MAGI2: variants seen among roughly 807,000 people sequenced by gnomAD.
MAGI2 encodes membrane-associated guanylate kinase, WW and PDZ domain-containing protein 2.
Under a neutral mutation model 133.3 loss-of-function variants are expected in MAGI2, and 35 were observed. The ratio of observed to expected loss-of-function variants is 0.26; its 90% CI spans 0.20 to 0.35. MAGI2 has a LOEUF of 0.35. Among genes scored for constraint, MAGI2 ranks in the 10% least tolerant of loss-of-function variants. The probability of loss-of-function intolerance (pLI) is 1.00; values close to 1 mark genes in which losing one functional copy is unlikely to be tolerated. For synonymous variants in MAGI2, 729 were observed against 710.6 expected, an observed-to-expected ratio of 1.03 and a Z score of -0.41; for missense variants, 1,636 against 1,863.4, an observed-to-expected ratio of 0.88 and a Z score of 2.25.
intron 20 of MAGI2, among the ~76,000 whole-genome samples, chr7:78,113,220 A>C (rs62461188): frequency 0.24 from 36,290 of 152,000 alleles, 5,261 homozygotes; most frequent in Non-Finnish European, 0.34. Context: ...CTGATCTTTA[A>C]TCTGAAAGAC....
At chr7:78,714,611 T>C (rs1819526081) in intron 2 of MAGI2, among the ~76,000 whole-genome samples, 1 of 152,224 alleles carries the variant, frequency 6.6e-6, no homozygotes, top group Non-Finnish European at 1.5e-5. Flanking sequence ...ATTTCCTGTG[T>C]ACCAGGGAGC....
Position 78,626,857 on chromosome 7 carries a change from T to G in MAGI2, c.538+263A>C, listed in dbSNP as rs533429815. 5.5e-5 allele frequency among the ~76,000 whole-genome samples: 7 copies of G among 128,378 alleles called. No homozygotes were observed. In the South Asian group the frequency reaches 1.8e-3, roughly 33 times the overall value. 84.2% of individuals were successfully genotyped at this position (128,378 alleles called of 152,430 possible). The stretch of plus-strand genomic sequence containing the variant: ...GTGTGTGTGTGTGTGTGTGTGTGTG[T>G]GTGTATAAAATAGGTATATATATAA... On this transcript the variant is annotated intron_variant, in intron 3 of 21. Transcript: ENST00000354212.
chr7:78,589,746 G>A (rs941138629), intron 3 of MAGI2, among the ~76,000 whole-genome samples: 1 of 152,142 alleles, frequency 6.6e-6, no homozygotes, highest in African/African-American at 2.4e-5. Flanking sequence ...CAAATTTGCT[G>A]GGGTTTTATT....
intron 1 of MAGI2, among the ~76,000 whole-genome samples, chr7:79,238,642 T>G (rs1460476502): frequency 1.3e-5 from 2 of 152,172 alleles, no homozygotes; most frequent in Non-Finnish European, 2.9e-5. Context: ...ATGAAGTATC[T>G]CTCATCATTA....
In MAGI2 at chr7:78,810,097, G is replaced by A. The variant is rs1370855195; in HGVS notation, c.419-182858C>T. 2.6e-5 allele frequency among the ~76,000 whole-genome samples: 4 copies of A among 152,132 alleles called. No homozygotes were observed. The East Asian group carries it at 5.8e-4, about 22-fold the overall frequency. ...GTAAGAAACATCTTTAGGTCACATG[G>A]AAGGTAACTGTGTTTTTCTTTTTTA... On this transcript the variant is annotated intron_variant, in intron 2 of 21. Coordinates refer to ENST00000354212, the MANE Select transcript of MAGI2 (RefSeq NM_012301.4).
At chr7:78,925,763 T>A (rs1799644563) in intron 2 of MAGI2, among the ~76,000 whole-genome samples, 1 of 152,050 alleles carries the variant, frequency 6.6e-6, no homozygotes, top group Admixed American at 6.6e-5. Context: ...TGTTAAAATA[T>A]AATGGCTTAT....
In MAGI2 at chr7:79,174,688, T is replaced by C. The variant is rs1343896240; in HGVS notation, c.302-167482A>G. The stretch of plus-strand genomic sequence containing the variant: ...CCATCTCTATATTAATAAAAAAATT[T>C]AAATTTTTTAAAAAAAGAAATAAAT... On this transcript the variant is annotated intron_variant, in intron 1 of 21. Coordinates refer to ENST00000354212, the MANE Select transcript of MAGI2 (RefSeq NM_012301.4). 2.9e-4 allele frequency among the ~76,000 whole-genome samples: 43 copies of C among 150,436 alleles called. 1 individual carries two copies. Among genetic ancestry groups the C allele is most frequent in the Admixed American group, 2.8e-3 (43 of 15,112 alleles).
intron 6 of MAGI2, among the ~76,000 whole-genome samples, chr7:78,394,420 T>C (rs564274665): frequency 6.6e-6 from 1 of 152,248 alleles, no homozygotes; most frequent in Non-Finnish European, 1.5e-5. Flanking sequence ...CATGGTCACG[T>C]CTTCCCCAGG....
chr7:78,720,345 C>G (rs1820142286), intron 2 of MAGI2, among the ~76,000 whole-genome samples: 1 of 152,026 alleles, frequency 6.6e-6, no homozygotes, highest in African/African-American at 2.4e-5. Context: ...CCTTATAATA[C>G]ACCTATGAGA....
intron 2 of MAGI2, among the ~76,000 whole-genome samples, chr7:78,763,623 C>T (rs1824732073): frequency 6.6e-6 from 1 of 152,112 alleles, no homozygotes; most frequent in Non-Finnish European, 1.5e-5. Flanking sequence ...ATTATAGTAA[C>T]ATAGCTGGCA....
chr7:78,331,019 A>G (rs2151150627), intron 9 of MAGI2, among the ~76,000 whole-genome samples: 1 of 152,344 alleles, frequency 6.6e-6, no homozygotes, highest in African/African-American at 2.4e-5. Flanking sequence ...ACCACAGAAT[A>G]CTATGCAGCC....
intron 6 of MAGI2, among the ~76,000 whole-genome samples, chr7:78,377,578 A>G (rs1794558477): frequency 6.6e-6 from 1 of 151,710 alleles, no homozygotes; most frequent in African/African-American, 2.4e-5. Flanking sequence ...GAAGGAAAAA[A>G]GTATGAGGTG....
intron 6 of MAGI2, among the ~76,000 whole-genome samples, chr7:78,465,798 C>T (rs983147364): frequency 3.3e-5 from 5 of 152,158 alleles, no homozygotes; most frequent in African/African-American, 4.8e-5. Context: ...CAGTCAAATC[C>T]GTAAACCAAA....
chr7:79,215,696 C>G (rs1400684401), intron 1 of MAGI2, among the ~76,000 whole-genome samples: 1 of 151,960 alleles, frequency 6.6e-6, no homozygotes, highest in African/African-American at 2.4e-5. Context: ...AACCAATGTA[C>G]AGCTTACATG....
intron 1 of MAGI2, among the ~76,000 whole-genome samples, chr7:79,204,808 G>A (rs1319198492): frequency 1.3e-5 from 2 of 151,768 alleles, no homozygotes; most frequent in Non-Finnish European, 1.5e-5. Context: ...AAATCCCATA[G>A]ATTAAAAATA....
chr7:79,129,489 T>A (rs1032012107), intron 1 of MAGI2, among the ~76,000 whole-genome samples: 1 of 152,222 alleles, frequency 6.6e-6, no homozygotes, highest in Non-Finnish European at 1.5e-5. Flanking sequence ...GATTATTAAA[T>A]CCATCTCCAT....
At chr7:79,379,116 C>T (rs1036448141) in intron 1 of MAGI2, among the ~76,000 whole-genome samples, 8 of 150,590 alleles carry the variant, frequency 5.3e-5, no homozygotes, top group Admixed American at 4.6e-4. Flanking sequence ...CCTCCTCCCC[C>T]CCACCCCACA....
intron 2 of MAGI2, among the ~76,000 whole-genome samples, chr7:78,981,658 T>C (rs891399479): frequency 6.6e-6 from 1 of 151,920 alleles, no homozygotes; most frequent in East Asian, 1.9e-4. Flanking sequence ...GTATAGTTTA[T>C]AATTTTTAGC....
intron 6 of MAGI2, among the ~76,000 whole-genome samples, chr7:78,418,286 C>T (rs1798480982): frequency 6.6e-6 from 1 of 152,078 alleles, no homozygotes; most frequent in African/African-American, 2.4e-5. Context: ...CATTTAGAAC[C>T]TATCAAAGGA....
Sources: allele counts gnomAD v4.1 joint callset (sites outside exome capture counted in the v4.1 genomes callset), GRCh38; gene constraint gnomAD v4.1.1; transcripts MANE v1.5; gene names NCBI Gene and HGNC (gene_info 2026-07-23, HGNC 2026-07-21).